YARS1: variants seen among roughly 807,000 people sequenced by gnomAD.
YARS1 encodes tyrosyl-tRNA synthetase 1.
YARS1 carries 36 observed loss-of-function variants against 62.2 expected under a neutral mutation model. The ratio of observed to expected loss-of-function variants is 0.58; its 90% confidence interval spans 0.44 to 0.76. YARS1 has a LOEUF of 0.76. Ranked by LOEUF, YARS1 falls within the 30% of genes least tolerant of loss-of-function variation. The pLI is 0.00. For synonymous variants in YARS1, 234 were observed against 244.9 expected (o/e 0.96, Z 0.42); for missense variants, 524 against 639.8 (o/e 0.82, Z 1.95).
At chr1:32,780,353 G>A (rs998241043) in intron 10 of YARS1, 75 bp from the exon 11 acceptor site, 19 of 1,571,146 alleles carry the variant, frequency 1.2e-5, no homozygotes, top group Admixed American at 6.7e-5. Flanking sequence ...CTTGGATTCC[G>A]GAAAGGAGCA....
intron 1 of YARS1, among the ~76,000 whole-genome samples, chr1:32,816,196 G>C (rs544014099): frequency 3.3e-5 from 5 of 152,054 alleles, no homozygotes; most frequent in African/African-American, 1.2e-4. Context: ...CTTTAAAAGG[G>C]TGAATTTTAT....
chr1:32,802,775 C>T (rs1392677997), intron 4 of YARS1, among the ~76,000 whole-genome samples: 1 of 152,090 alleles, frequency 6.6e-6, no homozygotes, highest in Non-Finnish European at 1.5e-5. Context: ...ACTATCCAGG[C>T]TTTGTTGTTC....
chr1:32,798,834 T>G (rs1029147725), intron 4 of YARS1, among the ~76,000 whole-genome samples: 15 of 151,962 alleles, frequency 9.9e-5, no homozygotes, highest in African/African-American at 2.9e-4. Context: ...AAAAATAAAA[T>G]TAAATTAAAA....
At chr1:32,811,124 C>T (rs1638576129) in intron 1 of YARS1, 67 bp from the exon 2 acceptor site, 8 of 1,608,422 alleles carry the variant, frequency 5.0e-6, no homozygotes, top group Non-Finnish European at 5.9e-6. Context: ...TACCATGTGA[C>T]AAGGAAAACA....
chr1:32,811,180 T>A, intron 1 of YARS1, 123 bp from the exon 2 acceptor site: 3 of 1,431,870 alleles, frequency 2.1e-6, no homozygotes, highest in South Asian at 2.3e-5. Context: ...ATCAAGGAGG[T>A]CCAGCCATGT....
At position 32,793,047 on chromosome 1, in the gene YARS1, G is replaced by C. The variant is rs114366281; in HGVS notation, c.592-1793C>G. On this transcript the variant is annotated intron_variant, in intron 5 of 12. Coordinates refer to ENST00000373477, the MANE Select transcript of YARS1 (RefSeq NM_003680.4). ...TGGAATCTATAAAAAGAATCAAATG[G>C]AAGTTCTAAAATGTCACAATACAAT... Among the ~76,000 whole-genome samples the C allele has an allele frequency of 2.8e-3, 433 of 152,132 alleles. 1 individual carries two copies. Among genetic ancestry groups the C allele is most frequent in the Non-Finnish European group, 4.4e-3 (299 of 67,992 alleles).
chr1:32,784,573 A>G (rs1160560711), intron 8 of YARS1, among the ~76,000 whole-genome samples: 2 of 151,852 alleles, frequency 1.3e-5, no homozygotes, highest in African/African-American at 4.8e-5. Flanking sequence ...TTCCTTGTGA[A>G]CTCCTATTCC....
chr1:32,814,898 T>A (rs982453917), intron 1 of YARS1, among the ~76,000 whole-genome samples: 2 of 152,224 alleles, frequency 1.3e-5, no homozygotes, highest in East Asian at 1.9e-4. Flanking sequence ...GAAACCATGA[T>A]AGACTGCTGG....
chr1:32,789,850 A>C (rs1653356211), intron 6 of YARS1, among the ~76,000 whole-genome samples: 2 of 151,128 alleles, frequency 1.3e-5, no homozygotes, highest in African/African-American at 4.9e-5. Context: ...TTGGCCTCCC[A>C]AAGTGCTGGG....
chr1:32,788,660 A>G (rs1653316541), intron 6 of YARS1, among the ~76,000 whole-genome samples: 1 of 151,800 alleles, frequency 6.6e-6, no homozygotes, highest in South Asian at 2.1e-4. Context: ...CGAACTCCCG[A>G]CCTTAGGTGA....
chr1:32,785,803 C>T (rs1390179197), intron 8 of YARS1, among the ~76,000 whole-genome samples: 1 of 151,690 alleles, frequency 6.6e-6, no homozygotes, highest in African/African-American at 2.4e-5. Flanking sequence ...AGGCTGGTCT[C>T]GAACTCCTGA....
In YARS1 at chr1:32,806,572, G is replaced by C. The variant is rs1161103846; in HGVS notation, c.420C>G (p.Val140=). The stretch of plus-strand genomic sequence containing the variant: ...CAGCCTTCTTGGAATCGTGCTGTGT[G>C]ACCACGGAGGAGAGTCTGTACACAT... ...TLDVYRLSSV[V]TQHDSKKAGA... Residue 140 remains valine (V), a synonymous_variant, in exon 4 of 13, where the codon GTC becomes GTG. Coordinates refer to ENST00000373477, the MANE Select transcript of YARS1 (RefSeq NM_003680.4). 2 of 1,614,148 alleles carry C rather than the reference G, an allele frequency of 1.2e-6. No homozygotes were observed. Among genetic ancestry groups the C allele is most frequent in the South Asian group, 2.2e-5 (2 of 91,072 alleles).
chr1:32,777,183 C>T (rs1652892731), intron 12 of YARS1, among the ~76,000 whole-genome samples: 1 of 151,902 alleles, frequency 6.6e-6, no homozygotes. Flanking sequence ...GCATACGCCA[C>T]TGTGCCTGGC....
In YARS1 at chr1:32,776,738, G is replaced by A. The variant is rs545066713; in HGVS notation, c.1477-647C>T. The stretch of plus-strand genomic sequence containing the variant: ...TCCCAGCATTTCGGGAGGCCGAGGT[G>A]GGCGGATCACGAGGTCAGGAGATTG... On this transcript the variant is annotated intron_variant, in intron 12 of 12. Transcript: ENST00000373477. The surrounding 1 kb of genome is among the most constrained non-coding windows in gnomAD (Gnocchi z 4.0). Among the ~76,000 whole-genome samples, 6 of 152,152 alleles carry A rather than the reference G, an allele frequency of 3.9e-5. No homozygotes were observed. In the South Asian group the frequency reaches 1.0e-3, roughly 26 times the overall value.
intron 6 of YARS1, chr1:32,790,899 C>A: frequency 2.2e-6 from 1 of 445,136 alleles, no homozygotes; most frequent in Admixed American, 3.5e-5. Flanking sequence ...GGCTGAATTT[C>A]ATCACAGTCG....
At chr1:32,800,874 G>GT (rs1380583464) in intron 4 of YARS1, among the ~76,000 whole-genome samples, 1 of 152,114 alleles carries the variant, frequency 6.6e-6, no homozygotes, top group Non-Finnish European at 1.5e-5. Context: ...CACCCGCCTG[G>GT]TTTGTATTTT....
intron 4 of YARS1, among the ~76,000 whole-genome samples, chr1:32,801,323 TTTTG>T (rs1171776106): frequency 6.6e-6 from 1 of 152,192 alleles, no homozygotes; most frequent in Non-Finnish European, 1.5e-5. Context: ...ACTTGGATTT[TTTTG>T]TTTCTCGGTG....
chr1:32,809,561 T>A (rs1052914520), intron 3 of YARS1, among the ~76,000 whole-genome samples: 2 of 152,124 alleles, frequency 1.3e-5, no homozygotes, highest in African/African-American at 2.4e-5. Flanking sequence ...AAGCCCTAAT[T>A]GTATCAACAG....
At chr1:32,809,089 C>A (rs1638524647) in intron 3 of YARS1, among the ~76,000 whole-genome samples, 1 of 151,568 alleles carries the variant, frequency 6.6e-6, no homozygotes, top group Admixed American at 6.6e-5. Context: ...CTTTTTCTTT[C>A]TTTTCTTTTT....
Sources: allele counts gnomAD v4.1 joint callset (sites outside exome capture counted in the v4.1 genomes callset), GRCh38; gene constraint gnomAD v4.1.1; non-coding constraint Gnocchi (gnomAD v3.1); transcripts MANE v1.5; gene names NCBI Gene and HGNC (gene_info 2026-07-23, HGNC 2026-07-21).